Variants in PREX2 observed in about 807,000 individuals in gnomAD.
The protein encoded by PREX2 is phosphatidylinositol-3,4,5-trisphosphate dependent Rac exchange factor 2.
Under a neutral mutation model 203.2 loss-of-function variants are expected in PREX2, and 107 were observed. The ratio of observed to expected loss-of-function variants is 0.53; its 90% CI spans 0.45 to 0.62. The LOEUF (loss-of-function observed/expected upper bound fraction) is 0.62, where lower values mean the gene tolerates loss of function less well. Among genes scored for constraint, PREX2 ranks in the 20% least tolerant of loss-of-function variants. The pLI is 0.00. For synonymous variants in PREX2, 672 were observed against 663.6 expected, an observed-to-expected ratio of 1.01 and a Z score of -0.19; for missense variants, 1,777 against 1,955.9, an observed-to-expected ratio of 0.91 and a Z score of 1.72.
intron 31 of PREX2, among the ~76,000 whole-genome samples, chr8:68,128,691 C>T (rs1003636964): frequency 6.6e-6 from 1 of 152,116 alleles, no homozygotes; most frequent in Non-Finnish European, 1.5e-5. Context: ...GTGGGAATGT[C>T]GAAGAGCTTG....
chr8:68,105,546 A>G lies in PREX2; in HGVS notation c.2716-2563A>G, dbSNP rs540934194. The G allele has an allele frequency of 6.2e-6, 7 of 1,131,114 alleles. No homozygotes were observed. In the East Asian group the frequency reaches 1.9e-4, roughly 31 times the overall value. 70.1% of individuals were successfully genotyped at this position (1,131,114 alleles called of 1,614,324 possible). ...GATTACTCCATTAACACTTCTTGACATCACCCTATTCATTTCCTTTTCAGC... is the reference window on the plus strand; with the variant it reads ...GATTACTCCATTAACACTTCTTGACGTCACCCTATTCATTTCCTTTTCAGC... On this transcript the variant is annotated intron_variant, in intron 23 of 39. Transcript: ENST00000288368.
At chr8:68,066,769 C>T (rs6992209) in intron 11 of PREX2, among the ~76,000 whole-genome samples, 79,656 of 151,788 alleles carry the variant, frequency 0.52, 20,941 homozygotes, top group South Asian at 0.56. Context: ...CTTTGTTGCC[C>T]GTACTTTTGG....
At chr8:68,070,325 G>A (rs1283875485) in intron 13 of PREX2, among the ~76,000 whole-genome samples, 2 of 151,468 alleles carry the variant, frequency 1.3e-5, no homozygotes, top group East Asian at 3.9e-4. Context: ...TTTTTCCCAA[G>A]AAAAGATTTT....
chr8:67,955,480 T>C (rs1805476083), intron 1 of PREX2, among the ~76,000 whole-genome samples: 1 of 152,192 alleles, frequency 6.6e-6, no homozygotes, highest in Non-Finnish European at 1.5e-5. Context: ...GGCCTTCCTT[T>C]TGTACCTGGT....
chr8:67,963,330 G>A (rs562653351), intron 1 of PREX2, among the ~76,000 whole-genome samples: 2 of 152,282 alleles, frequency 1.3e-5, no homozygotes, highest in South Asian at 4.1e-4. Context: ...CAAAATAGAA[G>A]GAGACTATAT....
chr8:68,190,323 A>G (rs1417099475), intron 35 of PREX2, among the ~76,000 whole-genome samples: 1 of 152,194 alleles, frequency 6.6e-6, no homozygotes, highest in African/African-American at 2.4e-5. Context: ...CATCAAAAAT[A>G]GATACTAGAT....
At chr8:68,084,593 A>G (rs917416822) in intron 18 of PREX2, among the ~76,000 whole-genome samples, 15 of 152,108 alleles carry the variant, frequency 9.9e-5, no homozygotes, top group Non-Finnish European at 1.5e-4. Flanking sequence ...GCTTCTACCA[A>G]TAGTTTACCA....
intron 23 of PREX2, chr8:68,106,232 G>A: frequency 2.1e-6 from 1 of 469,074 alleles, no homozygotes; most frequent in Non-Finnish European, 4.1e-6. Flanking sequence ...CTTTATTTGT[G>A]CCATGGGTGC....
chr8:68,001,870 T>C (rs964426521), intron 1 of PREX2, among the ~76,000 whole-genome samples: 1 of 152,144 alleles, frequency 6.6e-6, no homozygotes, highest in African/African-American at 2.4e-5. Flanking sequence ...ATGTTCTCAC[T>C]TACAAGTGGG....
intron 35 of PREX2, among the ~76,000 whole-genome samples, chr8:68,190,994 T>C (rs1812281755): frequency 6.6e-6 from 1 of 152,146 alleles, no homozygotes; most frequent in Non-Finnish European, 1.5e-5. Flanking sequence ...GCTATTTTAA[T>C]ACACAAAATG....
At chr8:68,146,638 TA>T (rs1213371511) in intron 34 of PREX2, among the ~76,000 whole-genome samples, 1 of 152,168 alleles carries the variant, frequency 6.6e-6, no homozygotes, top group Non-Finnish European at 1.5e-5. Flanking sequence ...TAAATTATGG[TA>T]AAATCATTAC....
chr8:68,191,806 T>C lies in PREX2; in HGVS notation c.4413+18T>C. On this transcript the variant is annotated intron_variant, in intron 36 of 39. Coordinates refer to ENST00000288368, the MANE Select transcript of PREX2 (RefSeq NM_024870.4). ...TAGATAAGGTAAAAACAGATGATTA[T>C]ATTTATTGGTGCTTTTTAATTTAAA... 1 of 1,495,218 alleles carries C rather than the reference T, an allele frequency of 6.7e-7. No homozygotes were observed. Among genetic ancestry groups the C allele is most frequent in the Non-Finnish European group, 9.3e-7 (1 of 1,079,766 alleles). The allele number at this position is 1,495,218 out of a possible 1,614,324, so 92.6% of individuals were successfully genotyped here.
At chr8:68,141,060 T>C (rs1347714100) in intron 33 of PREX2, among the ~76,000 whole-genome samples, 1 of 152,178 alleles carries the variant, frequency 6.6e-6, no homozygotes, top group African/African-American at 2.4e-5. Context: ...CAAGGCTTTT[T>C]TGGCATGGAA....
At chr8:68,087,863 C>A in intron 19 of PREX2, 54 bp downstream of exon 19, 1 of 1,128,228 alleles carries the variant, frequency 8.9e-7, no homozygotes, top group Non-Finnish European at 1.4e-6. Context: ...GGGATGTGCC[C>A]GATGGAACAG....
chr8:68,076,726 T>C lies in PREX2; in HGVS notation c.1570-671T>C, dbSNP rs201724063. The stretch of plus-strand genomic sequence containing the variant: ...ACACACACACACACACACACACACA[T>C]GCATGTTCATATACATGGATCCATA... On this transcript the variant is annotated intron_variant, in intron 14 of 39. Coordinates refer to ENST00000288368, the MANE Select transcript of PREX2 (RefSeq NM_024870.4). 2.0e-3 allele frequency among the ~76,000 whole-genome samples: 219 copies of C among 109,340 alleles called. 2 individuals are homozygous for C. The highest frequency in any genetic ancestry group is 4.8e-3 in the Middle Eastern group (1 of 210). 71.7% of individuals were successfully genotyped at this position (109,340 alleles called of 152,430 possible).
Position 68,045,655 on chromosome 8 carries a change from A to G in PREX2, c.943+1065A>G, listed in dbSNP as rs538001899. Among the ~76,000 whole-genome samples, 152 of 152,180 alleles carry G rather than the reference A, an allele frequency of 1.0e-3. 1 individual carries two copies. Among genetic ancestry groups the G allele is most frequent in the African/African-American group, 3.6e-3 (148 of 41,534 alleles). On this transcript the variant is annotated intron_variant, in intron 8 of 39. Transcript: ENST00000288368. ...CCTGAGACTGAGCACTCAGCTTTGG[A>G]GCCATGCTATTGTGTTCATCCAGTA...
At chr8:68,213,649 G>A (rs1317112995) in intron 37 of PREX2, among the ~76,000 whole-genome samples, 1 of 152,230 alleles carries the variant, frequency 6.6e-6, no homozygotes, top group African/African-American at 2.4e-5. Context: ...ATATCTGAGT[G>A]ATTTGGGATC....
intron 4 of PREX2, 69 bp downstream of exon 4, chr8:68,022,209 G>A (rs1807589825): frequency 1.3e-6 from 1 of 789,796 alleles, no homozygotes; most frequent in Non-Finnish European, 2.2e-6. Flanking sequence ...CCAAGGAATA[G>A]CATCAATATG....
intron 1 of PREX2, among the ~76,000 whole-genome samples, chr8:67,962,641 C>G (rs1035025567): frequency 6.7e-6 from 1 of 150,214 alleles, no homozygotes; most frequent in Non-Finnish European, 1.5e-5. Flanking sequence ...GAGTCTTGCT[C>G]TGTTGCCCAG....
Sources: allele counts gnomAD v4.1 joint callset (sites outside exome capture counted in the v4.1 genomes callset), GRCh38; gene constraint gnomAD v4.1.1; transcripts MANE v1.5; gene names NCBI Gene and HGNC (gene_info 2026-07-23, HGNC 2026-07-21).